Variants in SLC13A3 observed in about 807,000 individuals in gnomAD.
SLC13A3 encodes Na(+)/dicarboxylate cotransporter 3.
In SLC13A3, 40 loss-of-function variants were observed where a neutral mutation model predicts 59.0. The ratio of observed to expected loss-of-function variants is 0.68; its 90% CI spans 0.53 to 0.88. SLC13A3 has a LOEUF of 0.88. SLC13A3 is among the 40% of genes least tolerant of loss of function. The pLI is 0.00. For missense variants in SLC13A3, 699 were observed against 783.2 expected (o/e 0.89, Z 1.28); for synonymous variants, 317 against 330.3 (o/e 0.96, Z 0.44).
intron 1 of SLC13A3, among the ~76,000 whole-genome samples, chr20:46,634,172 T>C (rs1343176198): frequency 2.0e-5 from 3 of 152,222 alleles, no homozygotes; most frequent in East Asian, 1.9e-4. Context: ...TAGGTTCTAG[T>C]AGAGGAAATG....
upstream of SLC13A3, among the ~76,000 whole-genome samples, chr20:46,652,715 AG>A (rs911312038): frequency 7.2e-5 from 11 of 151,790 alleles, no homozygotes; most frequent in African/African-American, 2.7e-4. Context: ...TTTTTTTTTA[AG>A]GGGGGTGAGT....
intron 12 of SLC13A3, among the ~76,000 whole-genome samples, 192 bp downstream of exon 12, chr20:46,563,222 T>C (rs1007449647): frequency 6.6e-6 from 1 of 152,210 alleles, no homozygotes; most frequent in African/African-American, 2.4e-5. Context: ...AGGCAGTGTT[T>C]CCTGAGATTG....
At chr20:46,677,821 A>T (rs2063135157) in intron 1 of SLC13A3, among the ~76,000 whole-genome samples, 1 of 152,160 alleles carries the variant, frequency 6.6e-6, no homozygotes, top group Non-Finnish European at 1.5e-5. Flanking sequence ...GGAGCAGTGG[A>T]GACTGGGGCA....
chr20:46,608,586 T>C (rs2062459836), intron 3 of SLC13A3: 1 of 235,716 alleles, frequency 4.2e-6, no homozygotes, highest in Non-Finnish European at 8.3e-6. Flanking sequence ...GTAAAGTACA[T>C]ATAATCATTT....
In SLC13A3 at chr20:46,560,122, A is replaced by G. The variant is rs2061918483; in HGVS notation, c.1709T>C (p.Ile570Thr). 6.2e-7 allele frequency: 1 copy of G among 1,614,156 alleles called. No individual in the cohort carries two copies. The highest frequency in any genetic ancestry group is 8.5e-7 in the Non-Finnish European group (1 of 1,180,002). ...SLAMNTWAQT[I>T]FQLGTFPDWA... is the part of the protein sequence containing the mutation. ...GTCCGGGAAGGTGCCCAGCTGGAAGATGGTCTGTGCCCAGGTATTCATAGC... is the reference window on the plus strand; with the variant it reads ...GTCCGGGAAGGTGCCCAGCTGGAAGGTGGTCTGTGCCCAGGTATTCATAGC... Residue 570 changes from isoleucine (I) to threonine (T), a missense_variant, in exon 13 of 13, where the codon ATC becomes ACC. Physicochemically the swap from Ile to Thr is moderately conservative, Grantham distance 89. Transcript: ENST00000279027.
intron 8 of SLC13A3, among the ~76,000 whole-genome samples, chr20:46,586,502 C>A (rs2062193656): frequency 6.6e-6 from 1 of 152,204 alleles, no homozygotes; most frequent in Admixed American, 6.5e-5. Flanking sequence ...CAAATTTATA[C>A]AATGACTCCC....
At chr20:46,667,726 C>A (rs1033022408) in intron 1 of SLC13A3, among the ~76,000 whole-genome samples, 1 of 152,188 alleles carries the variant, frequency 6.6e-6, no homozygotes, top group African/African-American at 2.4e-5. Flanking sequence ...GAAACGAGAA[C>A]TATAATGTGT....
chr20:46,645,420 C>T (rs1165072882), intron 1 of SLC13A3, among the ~76,000 whole-genome samples: 1 of 152,214 alleles, frequency 6.6e-6, no homozygotes, highest in Admixed American at 6.5e-5. Context: ...CTTAACAGCT[C>T]ACCAAGCTTC....
At chr20:46,636,812 TTC>T (rs2062800098) in intron 1 of SLC13A3, among the ~76,000 whole-genome samples, 1 of 56,834 alleles carries the variant, frequency 1.8e-5, no homozygotes. Flanking sequence ...TTTTCTTTTT[TTC>T]TTTTTTTTTT....
At chr20:46,599,703 C>T (rs935532706) in intron 4 of SLC13A3, among the ~76,000 whole-genome samples, 1 of 152,120 alleles carries the variant, frequency 6.6e-6, no homozygotes, top group African/African-American at 2.4e-5. Flanking sequence ...TCTCTTCTTT[C>T]AAGAGGAAAG....
At chr20:46,661,952 T>C (rs1354459453) in intron 1 of SLC13A3, among the ~76,000 whole-genome samples, 2 of 152,214 alleles carry the variant, frequency 1.3e-5, no homozygotes, top group Non-Finnish European at 2.9e-5. Flanking sequence ...ATCCCGCACT[T>C]GATAAATCCC....
chr20:46,672,271 C>G (rs1271364879), upstream of SLC13A3, among the ~76,000 whole-genome samples: 2 of 152,230 alleles, frequency 1.3e-5, no homozygotes, highest in African/African-American at 4.8e-5. Flanking sequence ...TAACCCTCAC[C>G]AGAAGGCTGG....
Position 46,613,537 on chromosome 20 carries a change from G to T in SLC13A3, c.300C>A (p.Ala100=). 1 of 1,614,026 alleles carries T rather than the reference G, an allele frequency of 6.2e-7. No individual in the cohort carries two copies. The change falls in exon 2 of 13, where the codon GCC becomes GCA. Residue 100 remains alanine (A), a synonymous_variant. Transcript: ENST00000279027. ...GCAGGTTCCACTCCTCAATGGCGCT[G>T]GCCATGATCAGCCCACTGAGGAAGA... is the stretch of plus-strand genomic sequence containing the variant. ...NFLFLSGLIM[A]SAIEEWNLHR... is the part of the protein sequence containing the mutation.
Position 46,600,257 on chromosome 20 carries a change from G to GAAGGAAAGGA in SLC13A3, c.542-230_542-221dup, listed in dbSNP as rs151135493. On this transcript the variant is annotated intron_variant, in intron 3 of 12. Transcript: ENST00000279027. ...GGGAGGGAGAGAGAGATGGAGGAAG[G>GAAGGAAAGGA]AAGGAAAGGAAAGGAAAGGAAAGGA... 3.1e-3 allele frequency among the ~76,000 whole-genome samples: 387 copies of GAAGGAAAGGA among 125,914 alleles called. 2 individuals carry two copies. Among genetic ancestry groups the GAAGGAAAGGA allele is most frequent in the African/African-American group, 4.5e-3 (154 of 33,896 alleles). The allele number at this position is 125,914 out of a possible 152,430, so 82.6% of individuals were successfully genotyped here.
At chr20:46,584,540 AG>A in intron 8 of SLC13A3, 3 of 954,686 alleles carry the variant, frequency 3.1e-6, no homozygotes, top group Non-Finnish European at 3.7e-6. Context: ...CAAACAGACA[AG>A]AAGTTGGAAG....
At chr20:46,671,924 A>C (rs1004695949), upstream of SLC13A3, among the ~76,000 whole-genome samples, 1 of 152,226 alleles carries the variant, frequency 6.6e-6, no homozygotes, top group Non-Finnish European at 1.5e-5. Flanking sequence ...TGAGCTGCAC[A>C]TGTCTATGAC....
chr20:46,655,594 C>A (rs1201611442), upstream of SLC13A3, among the ~76,000 whole-genome samples: 1 of 146,782 alleles, frequency 6.8e-6, no homozygotes, highest in Non-Finnish European at 1.5e-5. Flanking sequence ...TATGGATATA[C>A]CATATCATGT....
At chr20:46,627,617 G>A (rs1600581805) in intron 1 of SLC13A3, among the ~76,000 whole-genome samples, 2 of 148,042 alleles carry the variant, frequency 1.4e-5, no homozygotes, top group Middle Eastern at 6.8e-3. Flanking sequence ...GGAAACTGTG[G>A]GCCAATCAAA....
At chr20:46,642,572 C>G (rs2062855087) in intron 1 of SLC13A3, among the ~76,000 whole-genome samples, 1 of 152,190 alleles carries the variant, frequency 6.6e-6, no homozygotes, top group Admixed American at 6.5e-5. Flanking sequence ...GCCCTCTCCC[C>G]CTGCTCAGGA....
Sources: gnomAD v4.1 joint callset for allele counts (sites outside exome capture counted in the v4.1 genomes callset) on GRCh38, gnomAD v4.1.1 for gene constraint, MANE v1.5 for transcripts, NCBI Gene and HGNC (gene_info 2026-07-23, HGNC 2026-07-21) for gene names.